Variants in CACNA1C observed in about 807,000 individuals in gnomAD.
CACNA1C encodes calcium voltage-gated channel subunit alpha1 C, also known as voltage-dependent L-type calcium channel subunit alpha-1C.
A neutral mutation model predicts 229.0 loss-of-function variants in CACNA1C; 30 were observed. That is an observed-to-expected ratio of 0.13 (90% confidence interval 0.10 to 0.18). The LOEUF (loss-of-function observed/expected upper bound fraction) is 0.18, where lower values mean the gene tolerates loss of function less well. Among genes scored for constraint, CACNA1C ranks in the 10% least tolerant of loss-of-function variants. The pLI is 1.00. For synonymous variants in CACNA1C, 1,114 were observed against 1,132.5 expected (o/e 0.98, Z 0.33); for missense variants, 1,658 against 2,845.0 (o/e 0.58, Z 9.49).
chr12:2,454,065 C>T (rs1567778727), intron 4 of CACNA1C, among the ~76,000 whole-genome samples: 1 of 152,202 alleles, frequency 6.6e-6, no homozygotes, highest in Non-Finnish European at 1.5e-5. Flanking sequence ...TGCACCCCCA[C>T]CTCCCTGGAG....
intron 3 of CACNA1C, among the ~76,000 whole-genome samples, chr12:2,356,250 G>T (rs2097359050): frequency 6.6e-6 from 1 of 152,188 alleles, no homozygotes; most frequent in South Asian, 2.1e-4. Context: ...GGCCTTGAGT[G>T]GTTTCAGACA....
Position 2,355,428 on chromosome 12 carries a change from G to A in CACNA1C, c.478-93548G>A, listed in dbSNP as rs2097333300. Among the ~76,000 whole-genome samples the A allele has an allele frequency of 2.0e-5, 3 of 152,116 alleles. 1 individual carries two copies. The highest frequency in any genetic ancestry group is 2.0e-4 in the Admixed American group (3 of 15,278). On this transcript the variant is annotated intron_variant, in intron 3 of 46. Coordinates refer to ENST00000399655, the MANE Select transcript of CACNA1C (RefSeq NM_000719.7). The stretch of plus-strand genomic sequence containing the variant: ...ATTTCGGTTGGTGGGTGCCACCGTG[G>A]TTCAGTATTTTCAGAAGTTCACTGT...
Position 2,067,584 on chromosome 12 carries a change from G to A in CACNA1C, c.49+13973G>A, listed in dbSNP as rs1300220646. Among the ~76,000 whole-genome samples, 1 of 152,080 alleles carries A rather than the reference G, an allele frequency of 6.6e-6. No individual in the cohort carries two copies. Among genetic ancestry groups the A allele is most frequent in the East Asian group, 1.9e-4 (1 of 5,190 alleles). On this transcript the variant is annotated intron_variant, in intron 1 of 46. Transcript: ENST00000399655. The surrounding 1 kb of genome is among the most constrained non-coding windows in gnomAD (Gnocchi z 5.3). ...GGGTCTTCTGGGTGCTGACACCAAA[G>A]CAGAGAGAGCTCGTGGTGTGCAGCC...
chr12:2,422,397 T>C lies in CACNA1C; in HGVS notation c.478-26579T>C, dbSNP rs2098988238. On this transcript the variant is annotated intron_variant, in intron 3 of 46. Transcript: ENST00000399655. The stretch of plus-strand genomic sequence containing the variant: ...CTGAGCCTTCGTCCTTTTTTACCAA[T>C]AGAGTTTCCCTTCTTTCCCCTTGGT... Among the ~76,000 whole-genome samples, 3 of 152,094 alleles carry C rather than the reference T, an allele frequency of 2.0e-5. No homozygotes were observed. In the South Asian group the frequency reaches 6.2e-4, roughly 31 times the overall value.
Position 1,971,254 on chromosome 12 carries a change from T to C in CACNA1C, c.139+53T>C. 6 of 993,410 alleles carry C rather than the reference T, an allele frequency of 6.0e-6. No homozygotes were observed. In the South Asian group the frequency reaches 6.8e-5, roughly 11 times the overall value. 61.5% of individuals were successfully genotyped at this position (993,410 alleles called of 1,614,324 possible). A position where few individuals can be genotyped will look rare whatever the true frequency, so the allele number is the denominator to read the frequency against. On this transcript the variant is annotated intron_variant, in intron 1 of 46. Transcript: ENST00000682462. The surrounding 1 kb of genome is among the most constrained non-coding windows in gnomAD (Gnocchi z 4.2). ...GTAGGAAGAACATGTTGAAATTTACTCTAAATATCCTAATGATACCTAGAA... is the reference window on the plus strand; with the variant it reads ...GTAGGAAGAACATGTTGAAATTTACCCTAAATATCCTAATGATACCTAGAA...
At chr12:2,367,951 A>G (rs1166668302) in intron 3 of CACNA1C, among the ~76,000 whole-genome samples, 1 of 152,194 alleles carries the variant, frequency 6.6e-6, no homozygotes, top group Non-Finnish European at 1.5e-5. Flanking sequence ...AATCTTATAT[A>G]TGTACACAGA....
At chr12:2,485,954 C>T (rs2099695831) in intron 5 of CACNA1C, 150 bp from the exon 6 acceptor site, 2 of 578,292 alleles carry the variant, frequency 3.5e-6, no homozygotes, top group South Asian at 6.7e-5. Flanking sequence ...CACCATCAGT[C>T]CTTGGCGTGT....
intron 38 of CACNA1C, among the ~76,000 whole-genome samples, chr12:2,671,976 T>C (rs2096589907): frequency 6.6e-6 from 1 of 152,016 alleles, no homozygotes; most frequent in African/African-American, 2.4e-5. Flanking sequence ...ACAAACTTGT[T>C]AAAATCCTAA....
At position 2,518,229 on chromosome 12, in the gene CACNA1C, T is replaced by A. The variant is rs189918975; in HGVS notation, c.1390+5245T>A. On this transcript the variant is annotated intron_variant, in intron 9 of 46. Coordinates refer to ENST00000399655, the MANE Select transcript of CACNA1C (RefSeq NM_000719.7). ...GCAGGTTGCCCACGATAGGGCCCCA[T>A]GTGGCTTGAGAGCAGTAACCTGAAT... Among the ~76,000 whole-genome samples, 944 of 152,286 alleles carry A rather than the reference T, an allele frequency of 6.2e-3. 6 individuals are homozygous for A. Among genetic ancestry groups the A allele is most frequent in the African/African-American group, 0.019 (810 of 41,558 alleles).
intron 3 of CACNA1C, among the ~76,000 whole-genome samples, chr12:2,327,128 T>C (rs888983347): frequency 6.6e-6 from 1 of 152,226 alleles, no homozygotes; most frequent in Non-Finnish European, 1.5e-5. Context: ...TGGAGTAGAC[T>C]GTTCACCTCG....
intron 3 of CACNA1C, among the ~76,000 whole-genome samples, chr12:2,443,701 C>T (rs1209812703): frequency 6.6e-6 from 1 of 152,154 alleles, no homozygotes; most frequent in Non-Finnish European, 1.5e-5. Context: ...AAGAGGGCCA[C>T]GGAACTGTAT....
rs1212307583 is a variant in CACNA1C at position 2,649,203 on chromosome 12, G to C, written c.3945+696G>C. On this transcript the variant is annotated intron_variant, in intron 31 of 46. Coordinates refer to ENST00000399655, the MANE Select transcript of CACNA1C (RefSeq NM_000719.7). This position sits in a 1 kb window ranked among gnomAD's most constrained non-coding sequence, Gnocchi z 4.4. The stretch of plus-strand genomic sequence containing the variant: ...GACCACTCCTGTTGTAGGAGTCTCT[G>C]ATTCGCGTTGGTTGAAGTGATAAAA... 6.6e-6 allele frequency among the ~76,000 whole-genome samples: 1 copy of C among 152,212 alleles called. No individual in the cohort carries two copies. Among genetic ancestry groups the C allele is most frequent in the Non-Finnish European group, 1.5e-5 (1 of 68,034 alleles).
intron 29 of CACNA1C, among the ~76,000 whole-genome samples, chr12:2,616,536 G>T (rs1057244113): frequency 3.3e-5 from 5 of 152,180 alleles, no homozygotes; most frequent in African/African-American, 1.2e-4. Context: ...TTCCCACCCA[G>T]TCCTGAGCTG....
intron 1 of CACNA1C, among the ~76,000 whole-genome samples, chr12:1,998,286 T>A (rs890278717): frequency 6.6e-6 from 1 of 152,192 alleles, no homozygotes; most frequent in Non-Finnish European, 1.5e-5. Flanking sequence ...GCTATGCGGA[T>A]TTAATTAGAA....
chr12:2,568,499 A>G (rs781721609), intron 13 of CACNA1C, among the ~76,000 whole-genome samples: 4 of 152,218 alleles, frequency 2.6e-5, no homozygotes, highest in Non-Finnish European at 4.4e-5. Context: ...AGGATCTCAA[A>G]GAGATATTTG....
At chr12:2,257,350 C>A (rs963056118) in intron 3 of CACNA1C, among the ~76,000 whole-genome samples, 1 of 152,184 alleles carries the variant, frequency 6.6e-6, no homozygotes, top group East Asian at 1.9e-4. Context: ...GGTCTCCAAC[C>A]TTTTTGGCAC....
intron 3 of CACNA1C, among the ~76,000 whole-genome samples, chr12:2,158,179 A>G (rs555729776): frequency 6.6e-6 from 1 of 152,344 alleles, no homozygotes; most frequent in African/African-American, 2.4e-5. Flanking sequence ...GGATATTAGT[A>G]TCCAGATTGA....
intron 3 of CACNA1C, among the ~76,000 whole-genome samples, chr12:2,135,963 C>A (rs1215713646): frequency 6.7e-6 from 1 of 149,942 alleles, no homozygotes; most frequent in Admixed American, 6.7e-5. Flanking sequence ...AGCGAGACTC[C>A]GTGGGCGTAG....
intron 1 of CACNA1C, among the ~76,000 whole-genome samples, chr12:2,042,800 A>G (rs930108025): frequency 3.7e-4 from 56 of 152,232 alleles, no homozygotes; most frequent in Admixed American, 1.3e-3. Context: ...AATGAATTCT[A>G]TTAAATCATG....
Sources: allele counts gnomAD v4.1 joint callset (sites outside exome capture counted in the v4.1 genomes callset), GRCh38; gene constraint gnomAD v4.1.1; non-coding constraint Gnocchi (gnomAD v3.1); transcripts MANE v1.5; gene names NCBI Gene and HGNC (gene_info 2026-07-23, HGNC 2026-07-21).